Variants in TRERF1 observed in about 807,000 individuals in gnomAD.
TRERF1 encodes the protein transcriptional regulating factor 1, also known as transcriptional-regulating factor 1.
TRERF1 carries 27 observed loss-of-function variants against 122.9 expected under a neutral mutation model. The observed-to-expected ratio is 0.22, with a 90% confidence interval of 0.16 to 0.30. TRERF1 has a LOEUF of 0.30. Ranked by LOEUF, TRERF1 falls within the 10% of genes least tolerant of loss-of-function variation. The pLI is 1.00. For synonymous variants in TRERF1, 636 were observed against 641.7 expected (o/e 0.99, Z 0.13); for missense variants, 1,248 against 1,560.3 (o/e 0.80, Z 3.37).
chr6:42,427,063 A>C (rs1276726736), intron 2 of TRERF1, among the ~76,000 whole-genome samples: 1 of 151,582 alleles, frequency 6.6e-6, no homozygotes. Flanking sequence ...CAAAGTGCCT[A>C]TAATCCTAGC....
chr6:42,265,533 T>C (rs1778984371), intron 6 of TRERF1, among the ~76,000 whole-genome samples: 1 of 152,206 alleles, frequency 6.6e-6, no homozygotes, highest in South Asian at 2.1e-4. Context: ...GCTTACTGAG[T>C]ATAGGCACAT....
At chr6:42,361,449 A>G (rs562655326) in intron 3 of TRERF1, among the ~76,000 whole-genome samples, 1 of 152,140 alleles carries the variant, frequency 6.6e-6, no homozygotes, top group South Asian at 2.1e-4. Context: ...TTTGTTTTTA[A>G]ACTGTTTCAA....
At chr6:42,289,343 C>CAAAAA (rs145805556) in intron 4 of TRERF1, among the ~76,000 whole-genome samples, 1 of 131,018 alleles carries the variant, frequency 7.6e-6, no homozygotes, top group African/African-American at 3.0e-5. Flanking sequence ...AAAAAACAAA[C>CAAAAA]AAACAAAAAA....
At chr6:42,289,958 G>A (rs969605682) in intron 4 of TRERF1, among the ~76,000 whole-genome samples, 10 of 152,260 alleles carry the variant, frequency 6.6e-5, no homozygotes, top group African/African-American at 1.7e-4. Context: ...TAGATGTCAG[G>A]TTCACATCTA....
chr6:42,268,071 T>G lies in TRERF1; in HGVS notation c.1437+83A>C. 1.5e-6 allele frequency: 2 copies of G among 1,349,070 alleles called. No individual in the cohort carries two copies. The highest frequency in any genetic ancestry group is 1.9e-6 in the Non-Finnish European group (2 of 1,040,486). The allele number at this position is 1,349,070 out of a possible 1,614,324, so 83.6% of individuals were successfully genotyped here. ...AAAGAACAAAAGGGTTGAGGGGGCT[T>G]GGAGAGAGGATTGAGCACTGCAGAC... On this transcript the variant is annotated intron_variant, in intron 5 of 17. Coordinates refer to ENST00000372922, the Ensembl canonical transcript of TRERF1. This position sits in a 1 kb window ranked among gnomAD's most constrained non-coding sequence, Gnocchi z 4.4.
At chr6:42,338,355 A>C (rs1766606135) in intron 3 of TRERF1, among the ~76,000 whole-genome samples, 1 of 152,184 alleles carries the variant, frequency 6.6e-6, no homozygotes, top group African/African-American at 2.4e-5. Flanking sequence ...AGAGAAGAAA[A>C]GGAGACCTGG....
chr6:42,341,588 C>T (rs901272480), intron 3 of TRERF1, among the ~76,000 whole-genome samples: 4 of 152,302 alleles, frequency 2.6e-5, no homozygotes, highest in South Asian at 2.1e-4. Flanking sequence ...GGTGCCTGTT[C>T]TTTTTCTGGG....
intron 2 of TRERF1, among the ~76,000 whole-genome samples, chr6:42,370,344 T>C (rs1773546596): frequency 6.6e-6 from 1 of 152,182 alleles, no homozygotes; most frequent in Non-Finnish European, 1.5e-5. Flanking sequence ...GGATTATGGG[T>C]GACATTATTT....
chr6:42,274,937 G>C (rs1395200462), intron 4 of TRERF1, among the ~76,000 whole-genome samples: 1 of 152,138 alleles, frequency 6.6e-6, no homozygotes. Flanking sequence ...ATACGGGCGT[G>C]AAAAGTCTCC....
rs1252561558 is a variant in TRERF1, at chr6:42,268,977, G to A, written c.614C>T (p.Pro205Leu). The A allele has an allele frequency of 3.7e-6, 6 of 1,612,346 alleles. No individual in the cohort carries two copies. Among genetic ancestry groups the A allele is most frequent in the Non-Finnish European group, 5.1e-6 (6 of 1,178,674 alleles). ...AGTGAAACCAGGGTGAGGCTGCTGGGGCACCTGCTGGTAGCGGGAAGGGAT... is the reference window on the plus strand; with the variant it reads ...AGTGAAACCAGGGTGAGGCTGCTGGAGCACCTGCTGGTAGCGGGAAGGGAT... Residue 205 changes from proline (P) to leucine (L), a missense_variant, in exon 5 of 18, where the codon CCC becomes CTC. By Grantham distance (98) the Pro-to-Leu change is moderately conservative (BLOSUM62 -3). Around this residue, in one of 5 missense-constraint regions of TRERF1, gnomAD observed 946 missense variants for 1,073.0 expected, o/e 0.88. Coordinates refer to ENST00000372922, the Ensembl canonical transcript of TRERF1. This position sits in a 1 kb window ranked among gnomAD's most constrained non-coding sequence, Gnocchi z 4.4.
intron 4 of TRERF1, among the ~76,000 whole-genome samples, chr6:42,273,209 T>C (rs1477741083): frequency 1.3e-5 from 2 of 152,094 alleles, no homozygotes; most frequent in African/African-American, 4.8e-5. Context: ...CTCTTCCGCT[T>C]GTAATTGCAC....
At chr6:42,448,952 G>A (rs1019929398) in intron 2 of TRERF1, among the ~76,000 whole-genome samples, 18 of 152,130 alleles carry the variant, frequency 1.2e-4, no homozygotes, top group African/African-American at 2.4e-5. Flanking sequence ...TCATAAACAA[G>A]CTTTATTTTT....
At chr6:42,303,689 G>A (rs943251089) in intron 3 of TRERF1, among the ~76,000 whole-genome samples, 8 of 152,096 alleles carry the variant, frequency 5.3e-5, no homozygotes, top group Non-Finnish European at 1.5e-5. Context: ...AGAGGTGGGT[G>A]GATCGCTTGA....
At chr6:42,446,903 G>A (rs941818211) in intron 2 of TRERF1, among the ~76,000 whole-genome samples, 1 of 152,178 alleles carries the variant, frequency 6.6e-6, no homozygotes, top group African/African-American at 2.4e-5. Flanking sequence ...TACCTGGGAG[G>A]CTGGGGCAGG....
At chr6:42,359,682 C>A (rs945927398) in intron 3 of TRERF1, among the ~76,000 whole-genome samples, 59 of 152,286 alleles carry the variant, frequency 3.9e-4, no homozygotes, top group African/African-American at 1.4e-3. Context: ...CGAGATCGCA[C>A]CACAACACTC....
Position 42,408,003 on chromosome 6 carries a change from A to G in TRERF1, c.-454+43174T>C, listed in dbSNP as rs940963958. ...ATTACCTGCATTTGGTAAAGAAAAA[A>G]GAAAGTGAAACACCTTTGTATCTCT... On this transcript the variant is annotated intron_variant, in intron 2 of 17. Coordinates refer to ENST00000372922, the Ensembl canonical transcript of TRERF1. Among the ~76,000 whole-genome samples the G allele has an allele frequency of 2.6e-5, 4 of 151,750 alleles. 1 individual carries two copies. Among genetic ancestry groups the G allele is most frequent in the Admixed American group, 2.6e-4 (4 of 15,212 alleles).
At chr6:42,313,604 T>C (rs1226219359) in intron 3 of TRERF1, among the ~76,000 whole-genome samples, 3 of 152,236 alleles carry the variant, frequency 2.0e-5, no homozygotes, top group Non-Finnish European at 2.9e-5. Context: ...TCCTGGGATG[T>C]GGGCCCCAGA....
At chr6:42,270,182 CCT>C (rs534148452) in intron 4 of TRERF1, among the ~76,000 whole-genome samples, 3 of 151,298 alleles carry the variant, frequency 2.0e-5, no homozygotes, top group African/African-American at 2.4e-5. Flanking sequence ...TAAAACCGCA[CCT>C]CTCTCTCTCT....
intron 2 of TRERF1, among the ~76,000 whole-genome samples, chr6:42,440,640 C>T (rs1786339566): frequency 6.6e-6 from 1 of 152,138 alleles, no homozygotes; most frequent in Non-Finnish European, 1.5e-5. Context: ...AAAAGATATC[C>T]AATCTCTGAC....
Sources: gnomAD v4.1 joint callset for allele counts (sites outside exome capture counted in the v4.1 genomes callset) on GRCh38, gnomAD v4.1.1 for gene constraint, gnomAD v4.1.1 regional missense constraint, Gnocchi (gnomAD v3.1) non-coding constraint, MANE v1.5 for transcripts, NCBI Gene and HGNC (gene_info 2026-07-23, HGNC 2026-07-21) for gene names.